The following BRIP1 variants were observed in gnomAD, a reference collection of about 807,000 sequenced individuals.
BRIP1 encodes the protein BRCA1 interacting DNA helicase 1, also known as Fanconi anemia group J protein.
A neutral mutation model predicts 119.7 loss-of-function variants in BRIP1; 88 were observed. The ratio of observed to expected loss-of-function variants is 0.74; its 90% confidence interval spans 0.62 to 0.88. The LOEUF is 0.88. BRIP1 is among the 40% of genes least tolerant of loss of function. BRIP1 has a pLI of 0.00. For synonymous variants in BRIP1, 443 were observed against 496.5 expected, an observed-to-expected ratio of 0.89 and a Z score of 1.43; for missense variants, 1,259 against 1,455.4, an observed-to-expected ratio of 0.87 and a Z score of 2.20.
chr17:61,715,241 TTTAA>T (rs1170025945), intron 17 of BRIP1, among the ~76,000 whole-genome samples: 1 of 151,624 alleles, frequency 6.6e-6, no homozygotes, highest in Non-Finnish European at 1.5e-5. Context: ...TTATTTTTTC[TTTAA>T]TTATTAAATA....
intron 11 of BRIP1, among the ~76,000 whole-genome samples, chr17:61,781,967 G>A (rs918964696): frequency 2.0e-5 from 3 of 150,290 alleles, no homozygotes; most frequent in African/African-American, 7.3e-5. Flanking sequence ...CCATGTCTTC[G>A]CTATAGTATT....
intron 8 of BRIP1, 126 bp downstream of exon 8, chr17:61,801,127 T>C (rs2077982876): frequency 7.1e-6 from 6 of 839,174 alleles, no homozygotes; most frequent in Admixed American, 4.4e-5. Context: ...AGTACTCTAA[T>C]ATGTTTACAC....
At chr17:61,733,623 A>G (rs2076879686) in intron 16 of BRIP1, among the ~76,000 whole-genome samples, 1 of 152,158 alleles carries the variant, frequency 6.6e-6, no homozygotes, top group Admixed American at 6.5e-5. Context: ...ATTTTAAAAA[A>G]TTGATTAAAA....
At position 61,762,915 on chromosome 17, in the gene BRIP1, T is replaced by C. The variant is rs1178726675; in HGVS notation, c.2097+13486A>G. ...TTGAAGTCAGTTTGCAGAAGAAATATCTACACTCCCTCGTTCACTGTAGCA... is the reference window on the plus strand; with the variant it reads ...TTGAAGTCAGTTTGCAGAAGAAATACCTACACTCCCTCGTTCACTGTAGCA... On this transcript the variant is annotated intron_variant, in intron 14 of 19. Transcript: ENST00000259008. This position sits in a 1 kb window ranked among gnomAD's most constrained non-coding sequence, Gnocchi z 4.3. 6.6e-6 allele frequency among the ~76,000 whole-genome samples: 1 copy of C among 152,160 alleles called. No homozygotes were observed. The highest frequency in any genetic ancestry group is 1.9e-4 in the East Asian group (1 of 5,208).
chr17:61,741,180 ACTC>A (rs2076982266), intron 16 of BRIP1, among the ~76,000 whole-genome samples: 1 of 152,032 alleles, frequency 6.6e-6, no homozygotes, highest in African/African-American at 2.4e-5. Context: ...ATAAAATGCA[ACTC>A]CTCATCTGTT....
chr17:61,746,171 T>C lies in BRIP1; in HGVS notation c.2098-1580A>G, dbSNP rs933891148. Among the ~76,000 whole-genome samples, 2 of 152,166 alleles carry C rather than the reference T, an allele frequency of 1.3e-5. No individual in the cohort carries two copies. The highest frequency in any genetic ancestry group is 4.8e-5 in the African/African-American group (2 of 41,462). ...ACTATAAAACAAAACATTAGTAAAA[T>C]AGTTAACTGCTGTACAATATGCTTT... On this transcript the variant is annotated intron_variant, in intron 14 of 19. Coordinates refer to ENST00000259008, the MANE Select transcript of BRIP1 (RefSeq NM_032043.3). The surrounding 1 kb of genome is among the most constrained non-coding windows in gnomAD (Gnocchi z 4.9).
chr17:61,828,735 T>C lies in BRIP1; in HGVS notation c.627+18366A>G, dbSNP rs574134208. ...GTTAAGAAAGAAATTATTTTCCTCA[T>C]TTGTAAATTTGTACATAGCTGATGA... On this transcript the variant is annotated intron_variant, in intron 6 of 19. Transcript: ENST00000259008. This position sits in a 1 kb window ranked among gnomAD's most constrained non-coding sequence, Gnocchi z 4.1. Among the ~76,000 whole-genome samples, 4 of 152,306 alleles carry C rather than the reference T, an allele frequency of 2.6e-5. No homozygotes were observed. The South Asian group carries it at 8.3e-4, about 32-fold the overall frequency.
In BRIP1 at chr17:61,857,142, C is replaced by T. The variant is rs1603366321; in HGVS notation, c.295G>A (p.Asp99Asn). 1 of 1,614,086 alleles carries T rather than the reference C, an allele frequency of 6.2e-7. No individual in the cohort carries two copies. The highest frequency in any genetic ancestry group is 8.5e-7 in the Non-Finnish European group (1 of 1,179,982). ...ACHSKDFTNN[D>N]MNQGTSRHFN... ...TGACGTGAAGTTCCTTGGTTCATGT[C>T]ATTGTTTGTAAAATCCTTTGAATGG... The change falls in exon 4 of 20, where the codon GAC becomes AAC. Residue 99 changes from aspartate (D) to asparagine (N), a missense_variant. Around this residue, in one of 3 missense-constraint regions of BRIP1, gnomAD observed 501 missense variants for 544.0 expected, o/e 0.92. Coordinates refer to ENST00000259008, the MANE Select transcript of BRIP1 (RefSeq NM_032043.3). This position sits in a 1 kb window ranked among gnomAD's most constrained non-coding sequence, Gnocchi z 5.1.
chr17:61,798,972 G>T lies in BRIP1; in HGVS notation c.1340+128C>A. On this transcript the variant is annotated intron_variant, in intron 9 of 19. Coordinates refer to ENST00000259008, the MANE Select transcript of BRIP1 (RefSeq NM_032043.3). This position sits in a 1 kb window ranked among gnomAD's most constrained non-coding sequence, Gnocchi z 5.5. The stretch of plus-strand genomic sequence containing the variant: ...TAGCCTTGTTTTTAAAGCTTAACTG[G>T]CAAGGAACAATTCATTTCCCAAGAA... 3 of 853,180 alleles carry T rather than the reference G, an allele frequency of 3.5e-6. No homozygotes were observed. Among genetic ancestry groups the T allele is most frequent in the South Asian group, 2.9e-5 (2 of 69,642 alleles). The allele number at this position is 853,180 out of a possible 1,614,324, so 52.9% of individuals were successfully genotyped here.
intron 10 of BRIP1, among the ~76,000 whole-genome samples, chr17:61,791,910 T>C (rs2077823963): frequency 6.6e-6 from 1 of 152,164 alleles, no homozygotes; most frequent in South Asian, 2.1e-4. Context: ...CTATCTGAAA[T>C]AAGCCTGATA....
intron 16 of BRIP1, among the ~76,000 whole-genome samples, chr17:61,733,820 C>G (rs1268803175): frequency 6.6e-6 from 1 of 151,150 alleles, no homozygotes; most frequent in African/African-American, 2.4e-5. Flanking sequence ...CAAAAAAACC[C>G]ACAAATATAA....
At chr17:61,718,296 G>A (rs2061914460) in intron 16 of BRIP1, among the ~76,000 whole-genome samples, 1 of 152,170 alleles carries the variant, frequency 6.6e-6, no homozygotes, top group Non-Finnish European at 1.5e-5. Flanking sequence ...CTTTGTTAGG[G>A]AAAGTCAAGA....
intron 13 of BRIP1, among the ~76,000 whole-genome samples, chr17:61,779,645 A>C (rs972549098): frequency 3.9e-5 from 6 of 151,986 alleles, no homozygotes; most frequent in Non-Finnish European, 8.8e-5. Flanking sequence ...AAATAAAAAT[A>C]CAGAGATAAA....
In BRIP1 at chr17:61,808,907, T is replaced by G; in HGVS notation, c.628-150A>C. ...AAATTATAGTATCTAAAACTTGCCA[T>G]TAAAGAAAAAACTACAATTTAAAAT... On this transcript the variant is annotated intron_variant, in intron 6 of 19. Coordinates refer to ENST00000259008, the MANE Select transcript of BRIP1 (RefSeq NM_032043.3). This position sits in a 1 kb window ranked among gnomAD's most constrained non-coding sequence, Gnocchi z 4.1. 1 of 820,070 alleles carries G rather than the reference T, an allele frequency of 1.2e-6. No homozygotes were observed. Among genetic ancestry groups the G allele is most frequent in the Non-Finnish European group, 1.9e-6 (1 of 535,784 alleles). 50.8% of individuals were successfully genotyped at this position (820,070 alleles called of 1,614,324 possible).
rs1448885914 is a variant in BRIP1, at chr17:61,804,952, T to TTGTG, written c.919-3479_919-3478insCACA. On this transcript the variant is annotated intron_variant, in intron 7 of 19. Coordinates refer to ENST00000259008, the MANE Select transcript of BRIP1 (RefSeq NM_032043.3). This position sits in a 1 kb window ranked among gnomAD's most constrained non-coding sequence, Gnocchi z 4.5. ...AAGGCAGGATGAAATGTCTCTCTCTTTCTGTGTGTGTGTGTGTGTGTGTGT... is the reference window on the plus strand; with the variant it reads ...AAGGCAGGATGAAATGTCTCTCTCTTTGTGTCTGTGTGTGTGTGTGTGTGTGTGT... Among the ~76,000 whole-genome samples, 1 of 101,096 alleles carries TTGTG rather than the reference T, an allele frequency of 9.9e-6. No homozygotes were observed. The highest frequency in any genetic ancestry group is 3.9e-5 in the African/African-American group (1 of 25,416). 66.3% of individuals were successfully genotyped at this position (101,096 alleles called of 152,430 possible).
Position 61,846,543 on chromosome 17 carries a change from C to CA in BRIP1, c.627+557dup, listed in dbSNP as rs1339180484. On this transcript the variant is annotated intron_variant, in intron 6 of 19. Transcript: ENST00000259008. The surrounding 1 kb of genome is among the most constrained non-coding windows in gnomAD (Gnocchi z 4.3). ...CTGGGACTACAAGTGTGCACCACAA[C>CA]ACCCGGCTAATTTTTGTATTTTTTG... Among the ~76,000 whole-genome samples, 1 of 152,026 alleles carries CA rather than the reference C, an allele frequency of 6.6e-6. No homozygotes were observed. The highest frequency in any genetic ancestry group is 1.5e-5 in the Non-Finnish European group (1 of 68,010).
Position 61,683,518 on chromosome 17 carries a change from T to G in BRIP1, c.3528A>C (p.Ile1176=). The G allele has an allele frequency of 6.2e-7, 1 of 1,613,608 alleles. No individual in the cohort carries two copies. Among genetic ancestry groups the G allele is most frequent in the South Asian group, 1.1e-5 (1 of 91,068 alleles). Reference sequence around the variant, plus strand: ...CTTCTCTGGCTGAATCTACTTCTTTTATAGTTCTAATTTCAAAAAGGTCTT... The same window carrying G: ...CTTCTCTGGCTGAATCTACTTCTTTGATAGTTCTAATTTCAAAAAGGTCTT... The part of the protein sequence containing the change: ...LAKDLFEIRT[I]KEVDSAREVK... The change falls in exon 20 of 20, where the codon ATA becomes ATC. Residue 1176 remains isoleucine, a synonymous_variant. Transcript: ENST00000259008. The surrounding 1 kb of genome is among the most constrained non-coding windows in gnomAD (Gnocchi z 4.7).
Position 61,784,444 on chromosome 17 carries a change from TAAGTA to T in BRIP1, c.1474-25_1474-21del. 1 of 1,605,648 alleles carries T rather than the reference TAAGTA, an allele frequency of 6.2e-7. No individual in the cohort carries two copies. Among genetic ancestry groups the T allele is most frequent in the Admixed American group, 1.7e-5 (1 of 59,968 alleles). ...ATGTCCCTATAAGAAATTACCATAT[TAAGTA>T]TAGAGGGGTTGGGAGGGAATTGGAA... is the stretch of plus-strand genomic sequence containing the variant. On this transcript the variant is annotated intron_variant, in intron 10 of 19. Transcript: ENST00000259008.
intron 17 of BRIP1, among the ~76,000 whole-genome samples, chr17:61,702,237 T>C (rs1454315739): frequency 1.3e-5 from 2 of 151,826 alleles, no homozygotes; most frequent in Non-Finnish European, 2.9e-5. Flanking sequence ...CAGAGGGATA[T>C]TGATCTATAG....
Sources: allele counts gnomAD v4.1 joint callset (sites outside exome capture counted in the v4.1 genomes callset), GRCh38; gene constraint gnomAD v4.1.1; regional missense constraint gnomAD v4.1.1; non-coding constraint Gnocchi (gnomAD v3.1); transcripts MANE v1.5; gene names NCBI Gene and HGNC (gene_info 2026-07-23, HGNC 2026-07-21).